ZFP62: variants seen among roughly 807,000 people sequenced by gnomAD.
The protein encoded by ZFP62 is ZFP62 zinc finger protein.
A neutral mutation model predicts 56.4 loss-of-function variants in ZFP62; 44 were observed. The ratio of observed to expected loss-of-function variants is 0.78; its 90% confidence interval spans 0.61 to 1.00. The LOEUF (loss-of-function observed/expected upper bound fraction) is 1.00. ZFP62 is among the 50% of genes least tolerant of loss of function. ZFP62 has a pLI of 0.00. For synonymous variants in ZFP62, 421 were observed against 388.9 expected, an observed-to-expected ratio of 1.08 and a Z score of -0.97; for missense variants, 1,030 against 1,085.7, an observed-to-expected ratio of 0.95 and a Z score of 0.72.
At chr5:180,834,671 A>G in the ZFP62 span, 3 of 152,134 alleles carry the variant, frequency 2.0e-5, no homozygotes, top group Non-Finnish European at 4.4e-5. Context: ...GCAGCCCACT[A>G]GGAGACCCCA....
chr5:180,830,440 G>T, the ZFP62 span: 1 of 152,392 alleles, frequency 6.6e-6, no homozygotes, highest in African/African-American at 2.4e-5. Context: ...CACAAGAGGG[G>T]AGTAGGTAAC....
Position 180,851,494 on chromosome 5 carries a change from C to G in ZFP62, c.2-1G>C, listed in dbSNP as rs1773710596. ...TCAGTGCTCGTCTTCAAATGTGACACTAAACCAAGAAAATGAAAAGGACAC... is the reference window on the plus strand; with the variant it reads ...TCAGTGCTCGTCTTCAAATGTGACAGTAAACCAAGAAAATGAAAAGGACAC... On this transcript the variant is annotated splice_acceptor_variant, in intron 1 of 1. Coordinates refer to ENST00000502412, the MANE Select transcript of ZFP62 (RefSeq NM_001172638.2). LOFTEE classifies it high-confidence loss of function. The G allele has an allele frequency of 2.0e-6, 3 of 1,520,922 alleles. No homozygotes were observed. Among genetic ancestry groups the G allele is most frequent in the Non-Finnish European group, 2.6e-6 (3 of 1,134,044 alleles). 94.2% of individuals were successfully genotyped at this position (1,520,922 alleles called of 1,614,324 possible). A position where few individuals can be genotyped will look rare whatever the true frequency, so the allele number is the denominator to read the frequency against.
chr5:180,832,640 A>G, the ZFP62 span: 4 of 152,190 alleles, frequency 2.6e-5, no homozygotes, highest in African/African-American at 9.6e-5. Context: ...TTCACTTTCT[A>G]TCTTGTGCAC....
At chr5:180,842,854 C>T (rs2113659277), downstream of ZFP62, among the ~76,000 whole-genome samples, 1 of 151,940 alleles carries the variant, frequency 6.6e-6, no homozygotes, top group South Asian at 2.1e-4. Context: ...CCAGCCTGGC[C>T]AACACAGTGA....
downstream of ZFP62, among the ~76,000 whole-genome samples, chr5:180,847,214 C>T (rs1212534336): frequency 1.3e-5 from 2 of 152,244 alleles, no homozygotes; most frequent in African/African-American, 4.8e-5. Flanking sequence ...GGCCCACTCA[C>T]AGTATTCTCA....
At chr5:180,840,789 TTGTGTGTGTGTGTG>T in the ZFP62 span, among the ~76,000 whole-genome samples, 4 of 146,468 alleles carry the variant, frequency 2.7e-5, no homozygotes, top group African/African-American at 5.1e-5. Flanking sequence ...CTAAAACAAT[TTGTGTGTGTGTGTG>T]TGTGTGTGTG....
chr5:180,859,976 C>T (rs986276385), intron 1 of ZFP62, among the ~76,000 whole-genome samples: 47 of 152,150 alleles, frequency 3.1e-4, no homozygotes, highest in African/African-American at 1.1e-3. Context: ...CAAATGCCCC[C>T]GAATAGATCT....
At chr5:180,853,526 T>C (rs1352452626) in intron 1 of ZFP62, among the ~76,000 whole-genome samples, 1 of 152,130 alleles carries the variant, frequency 6.6e-6, no homozygotes, top group East Asian at 1.9e-4. Context: ...TACATAATAT[T>C]CTACATATTC....
downstream of ZFP62, among the ~76,000 whole-genome samples, chr5:180,843,034 C>T (rs1266311886): frequency 7.3e-6 from 1 of 137,156 alleles, no homozygotes; most frequent in Non-Finnish European, 1.5e-5. Context: ...CAAAGCAAGA[C>T]TGTCTCCAAA....
At chr5:180,833,671 T>C in the ZFP62 span, among the ~76,000 whole-genome samples, 1 of 143,192 alleles carries the variant, frequency 7.0e-6, no homozygotes, top group Non-Finnish European at 1.5e-5. Flanking sequence ...TATGACACGG[T>C]ATTTTTTTTT....
chr5:180,851,566 G>T (rs1255259088), intron 1 of ZFP62, 73 bp from the exon 2 acceptor site: 12 of 1,415,208 alleles, frequency 8.5e-6, no homozygotes, highest in Non-Finnish European at 1.1e-5. Context: ...GAATAACAAT[G>T]AACAACATTC....
chr5:180,859,180 T>C (rs1168580063), intron 1 of ZFP62, among the ~76,000 whole-genome samples: 3 of 152,180 alleles, frequency 2.0e-5, no homozygotes, highest in Non-Finnish European at 2.9e-5. Context: ...CGGAACGACT[T>C]TCAATTTGCA....
chr5:180,858,975 C>T (rs1037953176), intron 1 of ZFP62, among the ~76,000 whole-genome samples: 4 of 152,182 alleles, frequency 2.6e-5, no homozygotes, highest in Non-Finnish European at 4.4e-5. Flanking sequence ...GGCACTCTTC[C>T]GAGCTTCTTG....
chr5:180,851,016 T>A lies in ZFP62; in HGVS notation c.479A>T (p.Lys160Ile). The A allele has an allele frequency of 6.4e-7, 1 of 1,551,846 alleles. No homozygotes were observed. Among genetic ancestry groups the A allele is most frequent in the Non-Finnish European group, 8.7e-7 (1 of 1,147,076 alleles). The change falls in exon 2 of 2, where the codon AAA (lysine) becomes ATA (isoleucine). Residue 160 changes from lysine to isoleucine, a missense_variant. By Grantham distance (102) the Lys-to-Ile change is moderately radical. Coordinates refer to ENST00000502412, the MANE Select transcript of ZFP62 (RefSeq NM_001172638.2). The part of the protein sequence containing the change: ...FKYNSRLVQH[K>I]IMHTGEKRYE... ...GCGCTTTTCCCCAGTGTGCATAATT[T>A]TATGTTGAACAAGGCGGGAATTATA...
At position 180,850,265 on chromosome 5, in the gene ZFP62, GA is replaced by G; in HGVS notation, c.1229del (p.Val410AlafsTer168). The G allele has an allele frequency of 6.4e-7, 1 of 1,554,968 alleles. No individual in the cohort carries two copies. The highest frequency in any genetic ancestry group is 8.7e-7 in the Non-Finnish European group (1 of 1,149,020). On this transcript the variant is annotated frameshift_variant, in exon 2 of 2. Transcript: ENST00000502412. LOFTEE classifies it high-confidence loss of function. ...KAFSYSSGLA[V>X]HKSIHPGKKA... ...TCTTCCCAGGGTGAATGCTTTTATGGACTGCGAGGCCTGAGCTATAGCTGAA... is the reference window on the plus strand; with the variant it reads ...TCTTCCCAGGGTGAATGCTTTTATGGCTGCGAGGCCTGAGCTATAGCTGAA...
chr5:180,860,689 C>CAG (rs1554138126), intron 1 of ZFP62: 1 of 124,340 alleles, frequency 8.0e-6, no homozygotes, highest in African/African-American at 3.1e-5. Flanking sequence ...ACTCACCGAC[C>CAG]AAAAAAAAAA....
downstream of ZFP62, among the ~76,000 whole-genome samples, chr5:180,843,166 A>G (rs1367167854): frequency 6.6e-6 from 1 of 151,674 alleles, no homozygotes; most frequent in East Asian, 1.9e-4. Context: ...AAATTAACCA[A>G]AACAACAGCA....
At chr5:180,846,730 T>C (rs1035781094), downstream of ZFP62, among the ~76,000 whole-genome samples, 1 of 152,170 alleles carries the variant, frequency 6.6e-6, no homozygotes, top group Non-Finnish European at 1.5e-5. Flanking sequence ...ATTAGGGTGG[T>C]TGTGCTCACA....
the ZFP62 span, among the ~76,000 whole-genome samples, chr5:180,836,206 C>A: frequency 6.6e-6 from 1 of 152,178 alleles, no homozygotes; most frequent in Non-Finnish European, 1.5e-5. Context: ...AACGTATCCA[C>A]GTTAAGTGAC....
Sources: gnomAD v4.1 joint callset for allele counts (sites outside exome capture counted in the v4.1 genomes callset) on GRCh38, gnomAD v4.1.1 for gene constraint, MANE v1.5 for transcripts, NCBI Gene and HGNC (gene_info 2026-07-23, HGNC 2026-07-21) for gene names.